Variants in PRMT5 observed in about 807,000 individuals in gnomAD.
The protein encoded by PRMT5 is protein arginine methyltransferase 5.
PRMT5 carries 15 observed loss-of-function variants against 84.0 expected under a neutral mutation model. The ratio of observed to expected loss-of-function variants is 0.18; its 90% confidence interval spans 0.12 to 0.28. The LOEUF (loss-of-function observed/expected upper bound fraction) is 0.28. Among genes scored for constraint, PRMT5 ranks in the 10% least tolerant of loss-of-function variants. PRMT5 has a pLI of 1.00. For synonymous variants in PRMT5, 276 were observed against 292.4 expected, an observed-to-expected ratio of 0.94 and a Z score of 0.57; for missense variants, 486 against 808.0, an observed-to-expected ratio of 0.60 and a Z score of 4.83.
Position 22,926,194 on chromosome 14 carries a change from T to C in PRMT5, c.716A>G (p.Asn239Ser), listed in dbSNP as rs763638347. The change falls in exon 7 of 17, where the codon AAT becomes AGT. Residue 239 changes from asparagine to serine, a missense_variant. Transcript: ENST00000324366. Reference sequence around the variant, plus strand: ...AGAAAGAACAGGAAATCCCTTCTTATTGGTCAGGAAAATGCTAGTGGGGAG... The same window carrying C: ...AGAAAGAACAGGAAATCCCTTCTTACTGGTCAGGAAAATGCTAGTGGGGAG... ...AILPTSIFLT[N>S]KKGFPVLSKM... 1 of 1,613,202 alleles carries C rather than the reference T, an allele frequency of 6.2e-7. No homozygotes were observed. Among genetic ancestry groups the C allele is most frequent in the Non-Finnish European group, 8.5e-7 (1 of 1,179,200 alleles).
chr14:22,923,267 T>C lies in PRMT5; in HGVS notation c.1376-107A>G. ...CCTCCCATGTCAAAACCAACCAACG[T>C]TGGCATGGGCATGGAAGAAAGAGAC... On this transcript the variant is annotated intron_variant, in intron 12 of 16. Coordinates refer to ENST00000324366, the MANE Select transcript of PRMT5 (RefSeq NM_006109.5). The surrounding 1 kb of genome is among the most constrained non-coding windows in gnomAD (Gnocchi z 5.2). 1 of 763,360 alleles carries C rather than the reference T, an allele frequency of 1.3e-6. No individual in the cohort carries two copies. The highest frequency in any genetic ancestry group is 2.0e-5 in the South Asian group (1 of 50,218). The allele number at this position is 763,360 out of a possible 1,614,324, so 47.3% of individuals were successfully genotyped here.
At chr14:22,922,965 C>G in intron 13 of PRMT5, 86 bp downstream of exon 13, 1 of 1,408,406 alleles carries the variant, frequency 7.1e-7, no homozygotes, top group Non-Finnish European at 9.8e-7. Flanking sequence ...CTCTTCATCC[C>G]CAGCAGAAGA....
chr14:22,924,541 G>A lies in PRMT5; in HGVS notation c.1018-4C>T, dbSNP rs745789929. On this transcript the variant is annotated splice_region_variant and splice_polypyrimidine_tract_variant and intron_variant, in intron 9 of 16. Transcript: ENST00000324366. This position sits in a 1 kb window ranked among gnomAD's most constrained non-coding sequence, Gnocchi z 6.5. Reference sequence around the variant, plus strand: ...CTAGCAGACATTTATAGATGGCCTGGAGGGAGGAGAGAATATCCCATGGTT... The same window carrying A: ...CTAGCAGACATTTATAGATGGCCTGAAGGGAGGAGAGAATATCCCATGGTT... 2.2e-5 allele frequency: 36 copies of A among 1,613,772 alleles called. No homozygotes were observed. Among genetic ancestry groups the A allele is most frequent in the Non-Finnish European group, 3.1e-5 (36 of 1,179,826 alleles).
In PRMT5 at chr14:22,925,166, TAAA is replaced by T. The variant is rs147925144; in HGVS notation, c.778-129_778-127del. 3.3e-3 allele frequency: 2,709 copies of T among 822,116 alleles called. 19 individuals carry two copies. Among genetic ancestry groups the T allele is most frequent in the African/African-American group, 0.024 (1,304 of 55,046 alleles). The allele number at this position is 822,116 out of a possible 1,614,324, so 50.9% of individuals were successfully genotyped here. A position where few individuals can be genotyped will look rare whatever the true frequency, so the allele number is the denominator to read the frequency against. ...CAACAGTTCTCTTTTTTTTTTTTTT[TAAA>T]AAAAAAGATGGAGTCTCGCTCTATT... On this transcript the variant is annotated intron_variant, in intron 7 of 16. Transcript: ENST00000324366.
intron 16 of PRMT5, 156 bp from the exon 17 acceptor site, chr14:22,921,212 G>T: frequency 1.1e-6 from 1 of 909,064 alleles, no homozygotes; most frequent in Non-Finnish European, 1.7e-6. Context: ...ATAATCAAAG[G>T]TGTGGTGAGA....
chr14:22,928,260 T>A lies in PRMT5; in HGVS notation c.230-49A>T. The stretch of plus-strand genomic sequence containing the variant: ...ACAAATACTGAATAAGGTTCAGCAC[T>A]TTACTTGTTCAATTTTTAGTTTTGG... On this transcript the variant is annotated intron_variant, in intron 2 of 16. Transcript: ENST00000324366. This position sits in a 1 kb window ranked among gnomAD's most constrained non-coding sequence, Gnocchi z 4.8. The A allele has an allele frequency of 3.2e-6, 5 of 1,574,330 alleles. No individual in the cohort carries two copies. The highest frequency in any genetic ancestry group is 3.5e-6 in the Non-Finnish European group (4 of 1,151,410).
At chr14:22,927,218 T>TG (rs1453756597) in intron 4 of PRMT5, among the ~76,000 whole-genome samples, 2 of 151,918 alleles carry the variant, frequency 1.3e-5, no homozygotes, top group Admixed American at 1.3e-4. Context: ...CCCAAGTAGC[T>TG]GGGACTACAG....
At chr14:22,922,150 TAG>T (rs1344428992) in intron 16 of PRMT5, 24 bp downstream of exon 16, 5 of 1,528,446 alleles carry the variant, frequency 3.3e-6, no homozygotes, top group African/African-American at 1.4e-5. Context: ...ACTGCTTAAC[TAG>T]AGAGTCTTAA....
At chr14:22,921,874 T>G (rs1323452444) in intron 16 of PRMT5, among the ~76,000 whole-genome samples, 1 of 117,190 alleles carries the variant, frequency 8.5e-6, no homozygotes, top group East Asian at 3.0e-4. Flanking sequence ...AGAGTGAGAC[T>G]CCGTCTCTTT....
In PRMT5 at chr14:22,928,067, A is replaced by C; in HGVS notation, c.315+59T>G. The C allele has an allele frequency of 6.9e-7, 1 of 1,444,672 alleles. No homozygotes were observed. 89.5% of individuals were successfully genotyped at this position (1,444,672 alleles called of 1,614,324 possible). A position where few individuals can be genotyped will look rare whatever the true frequency, so the allele number is the denominator to read the frequency against. On this transcript the variant is annotated intron_variant, in intron 3 of 16. Transcript: ENST00000324366. The surrounding 1 kb of genome is among the most constrained non-coding windows in gnomAD (Gnocchi z 4.8). Reference sequence around the variant, plus strand: ...ACCAAGTTATTGGGGATGGGAGGGGACCACTCTCCCCACCCAGCTTGGTTA... The same window carrying C: ...ACCAAGTTATTGGGGATGGGAGGGGCCCACTCTCCCCACCCAGCTTGGTTA...
At position 22,928,881 on chromosome 14, in the gene PRMT5, A is replaced by G; in HGVS notation, c.111-266T>C. On this transcript the variant is annotated intron_variant, in intron 1 of 16. Transcript: ENST00000324366. This position sits in a 1 kb window ranked among gnomAD's most constrained non-coding sequence, Gnocchi z 4.8. ...TAGAATTTTTTTCTCCTCAGGTGTC[A>G]GTATGTTTCCAAGACCATCACATCC... The G allele has an allele frequency of 1.7e-6, 1 of 595,856 alleles. No individual in the cohort carries two copies. Among genetic ancestry groups the G allele is most frequent in the Non-Finnish European group, 3.0e-6 (1 of 334,562 alleles). The allele number at this position is 595,856 out of a possible 1,614,324, so 36.9% of individuals were successfully genotyped here.
At chr14:22,925,348 G>T (rs934758957) in intron 7 of PRMT5, among the ~76,000 whole-genome samples, 4 of 151,324 alleles carry the variant, frequency 2.6e-5, no homozygotes, top group South Asian at 2.1e-4. Context: ...GTAGAGACGG[G>T]GTTTCACCAT....
At chr14:22,927,789 C>A (rs910721687) in intron 3 of PRMT5, 129 bp from the exon 4 acceptor site, 4 of 1,141,312 alleles carry the variant, frequency 3.5e-6, no homozygotes, top group South Asian at 1.6e-5. Context: ...CTCACTGCAG[C>A]CTTGACCTTC....
At position 22,922,221 on chromosome 14, in the gene PRMT5, G is replaced by GT; in HGVS notation, c.1715dup (p.His572GlnfsTer16). The GT allele has an allele frequency of 6.3e-7, 1 of 1,598,652 alleles. No homozygotes were observed. The highest frequency in any genetic ancestry group is 8.6e-7 in the Non-Finnish European group (1 of 1,165,876). On this transcript the variant is annotated frameshift_variant, in exon 16 of 17. Coordinates refer to ENST00000324366, the MANE Select transcript of PRMT5 (RefSeq NM_006109.5). LOFTEE classifies it high-confidence loss of function. ...GAAACCATGAGAACATCCCAGGAGA[G>GT]TGAGTCTCTGGACGGATACCTGTGT...
chr14:22,929,052 G>C (rs1177388913), intron 1 of PRMT5, 200 bp downstream of exon 1: 1 of 1,340,784 alleles, frequency 7.5e-7, no homozygotes, highest in Admixed American at 2.0e-5. Context: ...CCAACTTTGG[G>C]ACTCAGTGAC....
Position 22,924,996 on chromosome 14 carries a change from C to T in PRMT5, c.822G>A (p.Glu274=). ...ATTGGAGGTAGGAGCAGAACTCCTTCTCTGAGTGGTGGTTGGTGCCTGTGA... is the reference window on the plus strand; with the variant it reads ...ATTGGAGGTAGGAGCAGAACTCCTTTTCTGAGTGGTGGTTGGTGCCTGTGA... ...FIITGTNHHS[E]KEFCSYLQYL... The change falls in exon 8 of 17, where the codon GAG becomes GAA. Residue 274 remains glutamate, a synonymous_variant. Coordinates refer to ENST00000324366, the MANE Select transcript of PRMT5 (RefSeq NM_006109.5). This position sits in a 1 kb window ranked among gnomAD's most constrained non-coding sequence, Gnocchi z 6.5. 1 of 1,614,082 alleles carries T rather than the reference C, an allele frequency of 6.2e-7. No homozygotes were observed.
chr14:22,924,868 T>A lies in PRMT5; in HGVS notation c.939+11A>T, dbSNP rs750165910. The stretch of plus-strand genomic sequence containing the variant: ...TCCCACCTTCCTCCTCTAAGTGCAC[T>A]CCAGACCCACCTGAAGCGGGGACTG... On this transcript the variant is annotated intron_variant, in intron 8 of 16. Transcript: ENST00000324366. This position sits in a 1 kb window ranked among gnomAD's most constrained non-coding sequence, Gnocchi z 6.5. The A allele has an allele frequency of 1.2e-6, 2 of 1,613,872 alleles. No homozygotes were observed. The highest frequency in any genetic ancestry group is 1.7e-6 in the Non-Finnish European group (2 of 1,179,834).
In PRMT5 at chr14:22,928,354, G is replaced by C; in HGVS notation, c.229+143C>G. ...ACATGGGATAGCCTGATGCAGAATA[G>C]AGAAGCAAGGAGAAAACAAGTTATC... On this transcript the variant is annotated intron_variant, in intron 2 of 16. Coordinates refer to ENST00000324366, the MANE Select transcript of PRMT5 (RefSeq NM_006109.5). The surrounding 1 kb of genome is among the most constrained non-coding windows in gnomAD (Gnocchi z 4.8). The C allele has an allele frequency of 8.9e-7, 1 of 1,122,636 alleles. No homozygotes were observed. The highest frequency in any genetic ancestry group is 1.3e-6 in the Non-Finnish European group (1 of 752,726). 69.5% of individuals were successfully genotyped at this position (1,122,636 alleles called of 1,614,324 possible).
Position 22,923,953 on chromosome 14 carries a change from C to A in PRMT5, c.1375+55G>T. 6.6e-7 allele frequency: 1 copy of A among 1,514,676 alleles called. No homozygotes were observed. Among genetic ancestry groups the A allele is most frequent in the Admixed American group, 2.2e-5 (1 of 44,678 alleles). The allele number at this position is 1,514,676 out of a possible 1,614,324, so 93.8% of individuals were successfully genotyped here. A position where few individuals can be genotyped will look rare whatever the true frequency, so the allele number is the denominator to read the frequency against. ...TCCCCTAAACCCTGTACCCTCCTCC[C>A]AGGTTGCTGTCTCACCCATCATCAC... On this transcript the variant is annotated intron_variant, in intron 12 of 16. Transcript: ENST00000324366. This position sits in a 1 kb window ranked among gnomAD's most constrained non-coding sequence, Gnocchi z 5.2.
Sources: allele counts gnomAD v4.1 joint callset (sites outside exome capture counted in the v4.1 genomes callset), GRCh38; gene constraint gnomAD v4.1.1; non-coding constraint Gnocchi (gnomAD v3.1); transcripts MANE v1.5; gene names NCBI Gene and HGNC (gene_info 2026-07-23, HGNC 2026-07-21).